CPA6: variants seen among roughly 807,000 people sequenced by gnomAD.
The protein encoded by CPA6 is carboxypeptidase A6.
In CPA6, 58 loss-of-function variants were observed where a neutral mutation model predicts 63.3. The observed-to-expected ratio is 0.92, with a 90% CI of 0.74 to 1.14. CPA6 has a LOEUF of 1.14. CPA6 is among the 50% of genes most tolerant of loss of function. CPA6 has a pLI of 0.00. For synonymous variants in CPA6, 185 were observed against 179.0 expected (o/e 1.03, Z -0.27); for missense variants, 565 against 526.6 (o/e 1.07, Z -0.71).
At chr8:67,443,384 T>C (rs180778424) in intron 8 of CPA6, among the ~76,000 whole-genome samples, 1 of 152,288 alleles carries the variant, frequency 6.6e-6, no homozygotes, top group Admixed American at 6.5e-5. Context: ...TCTTGCTTCC[T>C]CTTCTTTATT....
At chr8:67,535,327 T>A (rs1214824215) in intron 2 of CPA6, among the ~76,000 whole-genome samples, 1 of 152,224 alleles carries the variant, frequency 6.6e-6, no homozygotes, top group Non-Finnish European at 1.5e-5. Context: ...CCACCAATAG[T>A]GTAAAAGCGT....
chr8:67,639,653 G>T (rs1187545493), intron 1 of CPA6, among the ~76,000 whole-genome samples: 1 of 151,568 alleles, frequency 6.6e-6, no homozygotes, highest in African/African-American at 2.4e-5. Flanking sequence ...CTAGGTCTGG[G>T]CTCCCTGAAG....
At chr8:67,589,791 T>G (rs1247481284) in intron 2 of CPA6, among the ~76,000 whole-genome samples, 1 of 151,980 alleles carries the variant, frequency 6.6e-6, no homozygotes, top group Non-Finnish European at 1.5e-5. Context: ...CTAGGCACAC[T>G]CTCCTTTGTC....
intron 1 of CPA6, among the ~76,000 whole-genome samples, chr8:67,716,147 GTC>G: frequency 1.1e-5 from 1 of 89,020 alleles, no homozygotes; most frequent in African/African-American, 4.7e-5. Context: ...GAGTGAGCTT[GTC>G]TCAAAAAAAA....
intron 8 of CPA6, among the ~76,000 whole-genome samples, chr8:67,436,911 C>T (rs1317608815): frequency 6.6e-6 from 1 of 152,134 alleles, no homozygotes; most frequent in African/African-American, 2.4e-5. Flanking sequence ...TAGCCTAATT[C>T]TACTGAACAT....
intron 1 of CPA6, among the ~76,000 whole-genome samples, chr8:67,627,879 C>T (rs903737945): frequency 6.6e-6 from 1 of 152,176 alleles, no homozygotes; most frequent in Non-Finnish European, 1.5e-5. Flanking sequence ...TAAATGTAAT[C>T]AGTTCAAAAA....
intron 2 of CPA6, among the ~76,000 whole-genome samples, chr8:67,528,279 T>C (rs1812406443): frequency 1.3e-5 from 2 of 151,858 alleles, no homozygotes; most frequent in African/African-American, 4.8e-5. Flanking sequence ...TGAGCAGGAG[T>C]TGGCCAGGCA....
At chr8:67,445,607 A>C (rs1386381383) in intron 8 of CPA6, among the ~76,000 whole-genome samples, 1 of 151,448 alleles carries the variant, frequency 6.6e-6, no homozygotes, top group Non-Finnish European at 1.5e-5. Context: ...GAAAGGCATT[A>C]ATTCTCTTAA....
chr8:67,487,808 GTGA>G (rs1269366550), intron 6 of CPA6, among the ~76,000 whole-genome samples: 1 of 152,216 alleles, frequency 6.6e-6, no homozygotes, highest in Non-Finnish European at 1.5e-5. Context: ...CTGATGACCA[GTGA>G]TGATGAGCAT....
At chr8:67,562,959 G>A (rs527785904) in intron 2 of CPA6, among the ~76,000 whole-genome samples, 3 of 152,098 alleles carry the variant, frequency 2.0e-5, no homozygotes, top group Non-Finnish European at 2.9e-5. Flanking sequence ...CAATGGTATG[G>A]CCCTCTGTTT....
intron 2 of CPA6, among the ~76,000 whole-genome samples, chr8:67,601,582 G>GT (rs1814497852): frequency 6.6e-6 from 1 of 152,088 alleles, no homozygotes; most frequent in South Asian, 2.1e-4. Flanking sequence ...AAAATTGTGG[G>GT]TTTTTTGAAG....
rs1817120867 is a variant in CPA6, at chr8:67,705,760, C to T, written c.116+40254G>A. 2.0e-5 allele frequency among the ~76,000 whole-genome samples: 3 copies of T among 152,350 alleles called. No individual in the cohort carries two copies. The South Asian group carries it at 6.2e-4, about 32-fold the overall frequency. ...TAGAAATTGCCCACATTTATTCAGA[C>T]AAGCTCTAGCAAAAATCTAACTGAG... On this transcript the variant is annotated intron_variant, in intron 1 of 10. Transcript: ENST00000297770.
chr8:67,670,407 G>A (rs554470236), intron 1 of CPA6, among the ~76,000 whole-genome samples: 1 of 152,188 alleles, frequency 6.6e-6, no homozygotes, highest in East Asian at 1.9e-4. Flanking sequence ...GGAAAAATCC[G>A]CCTCAGTGAT....
chr8:67,653,248 T>C (rs1170238253), intron 1 of CPA6, among the ~76,000 whole-genome samples: 1 of 152,098 alleles, frequency 6.6e-6, no homozygotes, highest in Non-Finnish European at 1.5e-5. Flanking sequence ...CCATATGAAC[T>C]TTAAAGTAGT....
Position 67,659,383 on chromosome 8 carries a change from C to G in CPA6, c.117-35132G>C, listed in dbSNP as rs138076155. On this transcript the variant is annotated intron_variant, in intron 1 of 10. Coordinates refer to ENST00000297770, the MANE Select transcript of CPA6 (RefSeq NM_020361.5). ...GCAATGCTATATATGCGTAACTCAG[C>G]ACTACACGTAAAGTGGGAAAGGAAT... Among the ~76,000 whole-genome samples, 159 of 152,292 alleles carry G rather than the reference C, an allele frequency of 1.0e-3. 3 individuals carry two copies. Among genetic ancestry groups the G allele is most frequent in the Admixed American group, 7.5e-3 (114 of 15,288 alleles).
At chr8:67,737,371 A>G (rs747577860) in intron 1 of CPA6, among the ~76,000 whole-genome samples, 11 of 152,234 alleles carry the variant, frequency 7.2e-5, no homozygotes, top group Non-Finnish European at 1.6e-4. Context: ...GATCAGGACA[A>G]TGTCCTTTCA....
At chr8:67,629,574 G>T (rs7016554) in intron 1 of CPA6, among the ~76,000 whole-genome samples, 7,565 of 150,840 alleles carry the variant, frequency 0.05, 233 homozygotes, top group South Asian at 0.11. Context: ...AATTAATAAA[G>T]ACAAGTAAGA....
intron 1 of CPA6, among the ~76,000 whole-genome samples, chr8:67,655,075 T>C (rs1157232063): frequency 1.3e-5 from 2 of 152,172 alleles, no homozygotes; most frequent in Admixed American, 1.3e-4. Flanking sequence ...AAGAGAATTA[T>C]TTAATCTCTC....
At chr8:67,662,402 T>TAC (rs1172785766) in intron 1 of CPA6, among the ~76,000 whole-genome samples, 4 of 149,664 alleles carry the variant, frequency 2.7e-5, no homozygotes, top group Non-Finnish European at 4.4e-5. Context: ...ACTACATATA[T>TAC]ACACACACGT....
Sources: gnomAD v4.1 joint callset for allele counts (sites outside exome capture counted in the v4.1 genomes callset) on GRCh38, gnomAD v4.1.1 for gene constraint, MANE v1.5 for transcripts, NCBI Gene and HGNC (gene_info 2026-07-23, HGNC 2026-07-21) for gene names.